The following CERS6 variants were observed in gnomAD, a reference collection of about 807,000 sequenced individuals.
The protein encoded by CERS6 is LAG1 homolog, ceramide synthase 6.
A neutral mutation model predicts 56.8 loss-of-function variants in CERS6; 26 were observed. That is an observed-to-expected ratio of 0.46 (90% CI 0.34 to 0.63). The LOEUF (loss-of-function observed/expected upper bound fraction) is 0.63, where lower values mean the gene tolerates loss of function less well. Among genes scored for constraint, CERS6 ranks in the 30% least tolerant of loss-of-function variants. The pLI is 0.01. For synonymous variants in CERS6, 164 were observed against 173.3 expected, an observed-to-expected ratio of 0.95 and a Z score of 0.42; for missense variants, 415 against 467.5, an observed-to-expected ratio of 0.89 and a Z score of 1.04.
chr2:168,520,889 G>A (rs1170954006), intron 1 of CERS6, among the ~76,000 whole-genome samples: 1 of 151,916 alleles, frequency 6.6e-6, no homozygotes, highest in Non-Finnish European at 1.5e-5. Flanking sequence ...GATTACAGAC[G>A]TGAGCCACCA....
At chr2:168,726,229 T>A (rs945670692) in intron 8 of CERS6, among the ~76,000 whole-genome samples, 1 of 152,142 alleles carries the variant, frequency 6.6e-6, no homozygotes, top group African/African-American at 2.4e-5. Context: ...AGAAAGGAGA[T>A]TCAATTAGTC....
At chr2:168,645,110 A>ATATATATAT (rs1685147700) in intron 4 of CERS6, among the ~76,000 whole-genome samples, 1 of 58,916 alleles carries the variant, frequency 1.7e-5, no homozygotes, top group Non-Finnish European at 3.3e-5. Flanking sequence ...AAAAAAAAAA[A>ATATATATAT]AAAAAAATAT....
chr2:168,524,424 A>G (rs1440386375), intron 1 of CERS6, among the ~76,000 whole-genome samples: 1 of 152,196 alleles, frequency 6.6e-6, no homozygotes, highest in Admixed American at 6.5e-5. Flanking sequence ...GCTAAGTCTC[A>G]GTCTTCTCTG....
rs201521972 is a variant in CERS6 at position 168,582,575 on chromosome 2, G to GA, written c.407+21262dup. The stretch of plus-strand genomic sequence containing the variant: ...CATTTAATAACTATCATCTAGTACT[G>GA]AAAAAAAAACGCGTGCTATGCAAAC... On this transcript the variant is annotated intron_variant, in intron 3 of 9. Coordinates refer to ENST00000305747, the MANE Select transcript of CERS6 (RefSeq NM_203463.3). Among the ~76,000 whole-genome samples the GA allele has an allele frequency of 6.3e-3, 939 of 149,526 alleles. 11 individuals are homozygous for GA. Among genetic ancestry groups the GA allele is most frequent in the African/African-American group, 0.02 (816 of 40,750 alleles).
intron 1 of CERS6, among the ~76,000 whole-genome samples, chr2:168,527,204 T>C (rs1695085986): frequency 6.6e-6 from 1 of 152,206 alleles, no homozygotes; most frequent in Non-Finnish European, 1.5e-5. Context: ...TCTTCTTTAT[T>C]TAAAAACAGA....
rs1343448069 is a variant in CERS6 at position 168,620,052 on chromosome 2, CACACACACACAT to C, written c.408-10931_408-10920del. 6.1e-3 allele frequency among the ~76,000 whole-genome samples: 874 copies of C among 144,164 alleles called. 22 individuals carry two copies. The highest frequency in any genetic ancestry group is 0.017 in the African/African-American group (647 of 39,004). 94.6% of individuals were successfully genotyped at this position (144,164 alleles called of 152,430 possible). A position where few individuals can be genotyped will look rare whatever the true frequency, so the allele number is the denominator to read the frequency against. On this transcript the variant is annotated intron_variant, in intron 3 of 9. Coordinates refer to ENST00000305747, the MANE Select transcript of CERS6 (RefSeq NM_203463.3). ...ACACACACACACACACACACACACA[CACACACACACAT>C]ATTTATATATATATGATCTAATACT...
At chr2:168,504,386 GA>G in intron 1 of CERS6, among the ~76,000 whole-genome samples, 1 of 151,930 alleles carries the variant, frequency 6.6e-6, no homozygotes, top group East Asian at 1.9e-4. Context: ...AAAAAAAAAG[GA>G]AATCATCAAT....
At chr2:168,581,592 G>A (rs1047093182) in intron 3 of CERS6, among the ~76,000 whole-genome samples, 1 of 151,784 alleles carries the variant, frequency 6.6e-6, no homozygotes, top group Non-Finnish European at 1.5e-5. Flanking sequence ...TTTTTAGTTT[G>A]GTTAATATAT....
chr2:168,585,958 A>T (rs1305687806), intron 3 of CERS6, among the ~76,000 whole-genome samples: 1 of 152,148 alleles, frequency 6.6e-6, no homozygotes, highest in Non-Finnish European at 1.5e-5. Context: ...CGTTATCTTG[A>T]GTGCCATCCT....
intron 8 of CERS6, among the ~76,000 whole-genome samples, chr2:168,731,863 G>A (rs1683544283): frequency 6.6e-6 from 1 of 152,140 alleles, no homozygotes; most frequent in South Asian, 2.1e-4. Flanking sequence ...TTTTCTTTGT[G>A]TACAAGTTCC....
chr2:168,666,997 T>C (rs1404494881), intron 4 of CERS6, among the ~76,000 whole-genome samples: 3 of 152,246 alleles, frequency 2.0e-5, no homozygotes, highest in Non-Finnish European at 4.4e-5. Context: ...CATTTGATAA[T>C]CTTTGTTAAT....
At chr2:168,577,020 T>G (rs1683292178) in intron 3 of CERS6, among the ~76,000 whole-genome samples, 3 of 152,276 alleles carry the variant, frequency 2.0e-5, no homozygotes, top group African/African-American at 2.4e-5. Flanking sequence ...CTATTAGATA[T>G]CTATGCAGAG....
intron 6 of CERS6, among the ~76,000 whole-genome samples, chr2:168,696,926 T>C (rs182288610): frequency 2.8e-4 from 42 of 152,322 alleles, no homozygotes; most frequent in Non-Finnish European, 4.7e-4. Context: ...AATCAGTAAG[T>C]TGAGGGTAAA....
chr2:168,631,710 ATTATAT>A (rs1414204751), intron 4 of CERS6, among the ~76,000 whole-genome samples: 97 of 116,636 alleles, frequency 8.3e-4, no homozygotes, highest in African/African-American at 3.0e-3. Flanking sequence ...TTATATTTAT[ATTATAT>A]TTATATTTAT....
chr2:168,688,646 G>A (rs1261063599), intron 4 of CERS6, among the ~76,000 whole-genome samples: 3 of 152,130 alleles, frequency 2.0e-5, no homozygotes, highest in East Asian at 3.9e-4. Context: ...AATACCTGAC[G>A]TTGTCAGAGT....
chr2:168,762,447 T>TGCATATTAATGATTTGAAATCATTA (rs1684610704), intron 8 of CERS6, among the ~76,000 whole-genome samples: 1 of 152,206 alleles, frequency 6.6e-6, no homozygotes, highest in Non-Finnish European at 1.5e-5. Context: ...TGTTTATTAA[T>TGCATATTAATGATTTGAAATCATTA]ATGCTGATTT....
At chr2:168,667,906 G>A (rs541506526) in intron 4 of CERS6, among the ~76,000 whole-genome samples, 1 of 152,316 alleles carries the variant, frequency 6.6e-6, no homozygotes, top group African/African-American at 2.4e-5. Context: ...TGTGAAGCTT[G>A]TTTGGGGGAA....
At chr2:168,620,062 CAT>C (rs34372911) in intron 3 of CERS6, among the ~76,000 whole-genome samples, 21,095 of 69,742 alleles carry the variant, frequency 0.3, 2,878 homozygotes, top group South Asian at 0.43. Context: ...CACACACACA[CAT>C]ATTTATATAT....
At chr2:168,670,845 T>G (rs1453456195) in intron 4 of CERS6, among the ~76,000 whole-genome samples, 1 of 152,064 alleles carries the variant, frequency 6.6e-6, no homozygotes, top group Non-Finnish European at 1.5e-5. Context: ...ACTGGCAGTT[T>G]CCTCCACTAG....
Sources: gnomAD v4.1 joint callset for allele counts (sites outside exome capture counted in the v4.1 genomes callset) on GRCh38, gnomAD v4.1.1 for gene constraint, MANE v1.5 for transcripts, NCBI Gene and HGNC (gene_info 2026-07-23, HGNC 2026-07-21) for gene names.